PRTG: variants seen among roughly 807,000 people sequenced by gnomAD.
The protein encoded by PRTG is immunoglobulin superfamily, DCC subclass, member 5.
In PRTG, 67 loss-of-function variants were observed where a neutral mutation model predicts 122.5. That is an observed-to-expected ratio of 0.55 (90% confidence interval 0.45 to 0.67). PRTG has a LOEUF of 0.67. PRTG is among the 30% of genes least tolerant of loss of function. The probability of loss-of-function intolerance (pLI) is 0.00; values close to 1 mark genes in which losing one functional copy is unlikely to be tolerated. For missense variants in PRTG, 1,435 were observed against 1,415.4 expected (o/e 1.01, Z -0.22); for synonymous variants, 554 against 501.1 (o/e 1.11, Z -1.41).
At chr15:55,678,121 A>T (rs150541073) in intron 7 of PRTG, 77 bp from the exon 8 acceptor site, 1 of 804,266 alleles carries the variant, frequency 1.2e-6, no homozygotes, top group African/African-American at 1.7e-5. Flanking sequence ...ATTGCTAAAT[A>T]TACTCTCATT....
At chr15:55,680,243 A>G in intron 5 of PRTG, 31 bp from the exon 6 acceptor site, 1 of 1,526,594 alleles carries the variant, frequency 6.6e-7, no homozygotes, top group Non-Finnish European at 9.0e-7. Flanking sequence ...CAGTTTAAAC[A>G]ATGTAACAAA....
At chr15:55,636,033 A>G (rs1005862050) in intron 15 of PRTG, among the ~76,000 whole-genome samples, 5 of 152,042 alleles carry the variant, frequency 3.3e-5, no homozygotes, top group African/African-American at 7.2e-5. Context: ...TGTCCAACTT[A>G]AAGATTCAAG....
intron 2 of PRTG, among the ~76,000 whole-genome samples, chr15:55,684,322 C>G (rs570683453): frequency 6.6e-6 from 1 of 152,144 alleles, no homozygotes; most frequent in Non-Finnish European, 1.5e-5. Flanking sequence ...AAACCATTTA[C>G]AGGAACTGGT....
At position 55,616,227 on chromosome 15, in the gene PRTG, T is replaced by C. The variant is rs974101948; in HGVS notation, c.*3785A>G. On this transcript the variant is annotated 3_prime_UTR_variant, in exon 20 of 20. Coordinates refer to ENST00000389286, the MANE Select transcript of PRTG (RefSeq NM_173814.6). The stretch of plus-strand genomic sequence containing the variant: ...TTAAAGTTTGAAAACTGAGCTCCTT[T>C]GGTGCAATGCAAACATTTCAATTTA... 1 of 152,140 alleles carries C rather than the reference T, an allele frequency of 6.6e-6. No individual in the cohort carries two copies. The highest frequency in any genetic ancestry group is 1.5e-5 in the Non-Finnish European group (1 of 67,988). The allele number at this position is 152,140 out of a possible 1,614,324, so 9.4% of individuals were successfully genotyped here.
chr15:55,676,141 G>GA (rs1232345235), intron 8 of PRTG, among the ~76,000 whole-genome samples: 6 of 151,978 alleles, frequency 3.9e-5, no homozygotes, highest in African/African-American at 1.4e-4. Flanking sequence ...GTTGTCCTGC[G>GA]AAAGATCTCA....
intron 2 of PRTG, among the ~76,000 whole-genome samples, chr15:55,699,899 G>T (rs933752234): frequency 6.6e-6 from 1 of 152,090 alleles, no homozygotes; most frequent in Non-Finnish European, 1.5e-5. Flanking sequence ...AGGCAATTTT[G>T]CCCAGGCCAG....
chr15:55,616,774 T>C lies in PRTG; in HGVS notation c.*3238A>G, dbSNP rs1333221685. ...GAATAAAAACACTGATAAATACCAA[T>C]ATAATTGTATTGCTTTTAATTATGT... On this transcript the variant is annotated 3_prime_UTR_variant, in exon 20 of 20. Transcript: ENST00000389286. 1 of 152,154 alleles carries C rather than the reference T, an allele frequency of 6.6e-6. No individual in the cohort carries two copies. Among genetic ancestry groups the C allele is most frequent in the Non-Finnish European group, 1.5e-5 (1 of 67,988 alleles). The allele number at this position is 152,154 out of a possible 1,614,324, so 9.4% of individuals were successfully genotyped here.
intron 15 of PRTG, among the ~76,000 whole-genome samples, chr15:55,636,025 TC>T (rs1367627152): frequency 1.3e-5 from 2 of 152,032 alleles, no homozygotes; most frequent in Admixed American, 1.3e-4. Flanking sequence ...ATGTGACTTG[TC>T]CAACTTAAAG....
At chr15:55,628,765 A>G in intron 16 of PRTG, 57 bp downstream of exon 16, 2 of 1,387,652 alleles carry the variant, frequency 1.4e-6, no homozygotes, top group Non-Finnish European at 2.0e-6. Context: ...AATAATGTGT[A>G]AGGAAGAACA....
intron 15 of PRTG, among the ~76,000 whole-genome samples, chr15:55,631,399 C>CT (rs1212793670): frequency 6.6e-6 from 1 of 152,148 alleles, no homozygotes; most frequent in Non-Finnish European, 1.5e-5. Context: ...GAAACTAAGT[C>CT]TTTTCACTTA....
At chr15:55,680,962 T>C (rs1274015517) in intron 4 of PRTG, among the ~76,000 whole-genome samples, 2 of 152,180 alleles carry the variant, frequency 1.3e-5, no homozygotes, top group East Asian at 3.8e-4. Flanking sequence ...TGGATTTGCC[T>C]ATTCTAGACA....
At chr15:55,680,314 T>C in intron 5 of PRTG, 102 bp from the exon 6 acceptor site, 1 of 1,180,114 alleles carries the variant, frequency 8.5e-7, no homozygotes, top group South Asian at 1.7e-5. Context: ...AGTATAAAAT[T>C]AAATATAAAA....
At chr15:55,731,285 T>G (rs2031220836) in intron 2 of PRTG, among the ~76,000 whole-genome samples, 1 of 152,024 alleles carries the variant, frequency 6.6e-6, no homozygotes, top group East Asian at 1.9e-4. Context: ...CTGAGTTACT[T>G]TAAATCCCAT....
At chr15:55,641,311 G>T in intron 11 of PRTG, 103 bp from the exon 12 acceptor site, 1 of 700,672 alleles carries the variant, frequency 1.4e-6, no homozygotes, top group Non-Finnish European at 2.4e-6. Context: ...CCTGCTGAAT[G>T]CATAAAAGTT....
At chr15:55,652,574 T>C (rs2059358836) in intron 11 of PRTG, among the ~76,000 whole-genome samples, 1 of 151,966 alleles carries the variant, frequency 6.6e-6, no homozygotes, top group East Asian at 1.9e-4. Flanking sequence ...AGGCCAGCGG[T>C]ACGGCCTGCT....
intron 2 of PRTG, among the ~76,000 whole-genome samples, chr15:55,722,626 T>C (rs535977837): frequency 6.6e-6 from 1 of 152,078 alleles, no homozygotes; most frequent in Non-Finnish European, 1.5e-5. Flanking sequence ...AGATTAGGCT[T>C]GTAGTTTCCA....
chr15:55,643,981 T>G (rs975615677), intron 11 of PRTG, among the ~76,000 whole-genome samples: 1 of 150,710 alleles, frequency 6.6e-6, no homozygotes, highest in East Asian at 2.0e-4. Context: ...CCTCCTACCT[T>G]AGCCCCCCAA....
At chr15:55,628,738 G>C (rs1462178109) in intron 16 of PRTG, 84 bp downstream of exon 16, 1 of 1,066,400 alleles carries the variant, frequency 9.4e-7, no homozygotes, top group African/African-American at 1.6e-5. Context: ...TAGGGATACA[G>C]CAATTGTAGG....
At chr15:55,646,262 T>C (rs986568724) in intron 11 of PRTG, among the ~76,000 whole-genome samples, 3 of 150,804 alleles carry the variant, frequency 2.0e-5, no homozygotes, top group South Asian at 2.1e-4. Context: ...TTCACCCGCC[T>C]TGGCCTCCCA....
Sources: gnomAD v4.1 joint callset for allele counts (sites outside exome capture counted in the v4.1 genomes callset) on GRCh38, gnomAD v4.1.1 for gene constraint, MANE v1.5 for transcripts, NCBI Gene and HGNC (gene_info 2026-07-23, HGNC 2026-07-21) for gene names.